The following CRB2 variants were observed in gnomAD, a reference collection of about 807,000 sequenced individuals.
CRB2 encodes the protein crumbs cell polarity complex component 2.
CRB2 carries 85 observed loss-of-function variants against 110.9 expected under a neutral mutation model. That is an observed-to-expected ratio of 0.77 (90% confidence interval 0.64 to 0.92). The LOEUF (loss-of-function observed/expected upper bound fraction) is 0.92. Among genes scored for constraint, CRB2 ranks in the 40% least tolerant of loss-of-function variants. The pLI is 0.00. For synonymous variants in CRB2, 907 were observed against 831.0 expected, an observed-to-expected ratio of 1.09 and a Z score of -1.57; for missense variants, 1,843 against 1,851.3, an observed-to-expected ratio of 1.00 and a Z score of 0.08.
chr9:123,363,103 G>A lies in CRB2; in HGVS notation c.333G>A (p.Glu111=). The part of the protein sequence containing the change: ...QGPRCELDID[E]CASRPCHHGA... ...CACGCTGCGAGCTGGACATCGATGA[G>A]TGTGCATCCCGGCCGTGCCACCATG... The change falls in exon 2 of 13, where the codon GAG becomes GAA. Residue 111 remains glutamate, a synonymous_variant. Transcript: ENST00000373631. 1.2e-6 allele frequency: 2 copies of A among 1,611,500 alleles called. No individual in the cohort carries two copies. Among genetic ancestry groups the A allele is most frequent in the Non-Finnish European group, 1.7e-6 (2 of 1,179,942 alleles).
intron 5 of CRB2, 64 bp downstream of exon 5, chr9:123,367,421 A>ACCCCCCCACC (rs2041950620): frequency 3.3e-6 from 2 of 608,086 alleles, no homozygotes; most frequent in Admixed American, 6.8e-5. Flanking sequence ...TCTTGTGCCC[A>ACCCCCCCACC]CCCCCCCACC....
chr9:123,370,717 C>G lies in CRB2; in HGVS notation c.1664C>G (p.Ser555Cys). The G allele has an allele frequency of 6.2e-6, 10 of 1,604,424 alleles. No homozygotes were observed. The highest frequency in any genetic ancestry group is 7.6e-6 in the Non-Finnish European group (9 of 1,179,984). ...CVASGPVALA[S>C]TASATPLPAG... ...GCCTCTGGTCCTGTGGCCCTGGCTT[C>G]CACGGCTTCGGCAACTCCGCTGCCT... The change falls in exon 7 of 13, where the codon TCC (serine) becomes TGC (cysteine). Residue 555 changes from serine to cysteine, a missense_variant. Coordinates refer to ENST00000373631, the MANE Select transcript of CRB2 (RefSeq NM_173689.7).
At chr9:123,358,853 G>A (rs543755092) in intron 1 of CRB2, among the ~76,000 whole-genome samples, 198 of 150,940 alleles carry the variant, frequency 1.3e-3, no homozygotes, top group African/African-American at 4.5e-3. Context: ...TGCAGTGAGC[G>A]GTTCCCCACC....
intron 2 of CRB2, among the ~76,000 whole-genome samples, chr9:123,365,256 C>T (rs1184970900): frequency 6.6e-6 from 1 of 152,072 alleles, no homozygotes; most frequent in Non-Finnish European, 1.5e-5. Context: ...GAGTGAGACT[C>T]TGTCTCAAAA....
chr9:123,373,334 G>A lies in CRB2; in HGVS notation c.2803G>A (p.Gly935Arg), dbSNP rs2042045704. Residue 935 changes from glycine (G) to arginine (R), a missense_variant, in exon 10 of 13, where the codon GGA becomes AGA. Physicochemically the swap from Gly to Arg is moderately radical, Grantham distance 125. Transcript: ENST00000373631. ...RNGSLAGGVRGGHGLPGAVLP... is the reference protein window; with the variant it reads ...RNGSLAGGVRRGHGLPGAVLP... The stretch of plus-strand genomic sequence containing the variant: ...TGGCTCGCTGGCGGGGGGCGTGCGC[G>A]GAGGCCATGGCCTGCCCGGCGCTGT... The A allele has an allele frequency of 6.9e-7, 1 of 1,443,034 alleles. No homozygotes were observed. Among genetic ancestry groups the A allele is most frequent in the East Asian group, 3.0e-5 (1 of 33,342 alleles). 89.4% of individuals were successfully genotyped at this position (1,443,034 alleles called of 1,614,324 possible). A position where few individuals can be genotyped will look rare whatever the true frequency, so the allele number is the denominator to read the frequency against.
rs550013968 is a variant in CRB2 at position 123,368,942 on chromosome 9, G to T, written c.1055-1166G>T. ...CCTTCCTGGGCCACCTGTGGCTCCT[G>T]GCAGGTATGGAGGAATGTGGGCCCT... On this transcript the variant is annotated intron_variant, in intron 6 of 12. Transcript: ENST00000373631. 746 of 1,245,816 alleles carry T rather than the reference G, an allele frequency of 6.0e-4. 1 individual carries two copies. The highest frequency in any genetic ancestry group is 7.1e-4 in the Non-Finnish European group (688 of 966,588). 77.2% of individuals were successfully genotyped at this position (1,245,816 alleles called of 1,614,324 possible). A position where few individuals can be genotyped will look rare whatever the true frequency, so the allele number is the denominator to read the frequency against.
intron 1 of CRB2, among the ~76,000 whole-genome samples, chr9:123,358,760 G>C (rs1192475421): frequency 6.6e-6 from 1 of 152,206 alleles, no homozygotes; most frequent in African/African-American, 2.4e-5. Context: ...ACTTGCCTAG[G>C]CAAAGTCACG....
Position 123,372,187 on chromosome 9 carries a change from G to T in CRB2, c.2447G>T (p.Cys816Phe). The change falls in exon 9 of 13, where the codon TGT becomes TTT. Residue 816 changes from cysteine to phenylalanine, a missense_variant. By Grantham distance (205) the Cys-to-Phe change is radical (BLOSUM62 -2). Coordinates refer to ENST00000373631, the MANE Select transcript of CRB2 (RefSeq NM_173689.7). ...VSEDMCSPDPCFNGGTCLVTW... is the reference protein window; with the variant it reads ...VSEDMCSPDPFFNGGTCLVTW... ...CTGCCTCTCCCACAGCCTGACCCCT[G>T]TTTCAATGGTGGGACTTGCCTCGTC... 1 of 1,614,070 alleles carries T rather than the reference G, an allele frequency of 6.2e-7. No individual in the cohort carries two copies. The highest frequency in any genetic ancestry group is 8.5e-7 in the Non-Finnish European group (1 of 1,180,000).
chr9:123,372,918 C>A (rs2042037100), intron 9 of CRB2, among the ~76,000 whole-genome samples: 1 of 152,208 alleles, frequency 6.6e-6, no homozygotes, highest in Non-Finnish European at 1.5e-5. Context: ...CACCCCCCAG[C>A]ACTGGCCGGG....
In CRB2 at chr9:123,378,665, C is replaced by T. The variant is rs2042144469; in HGVS notation, c.*1603C>T. 6.6e-6 allele frequency: 1 copy of T among 152,164 alleles called. No homozygotes were observed. Among genetic ancestry groups the T allele is most frequent in the African/African-American group, 2.4e-5 (1 of 41,398 alleles). The allele number at this position is 152,164 out of a possible 1,614,324, so 9.4% of individuals were successfully genotyped here. On this transcript the variant is annotated 3_prime_UTR_variant, in exon 13 of 13. Coordinates refer to ENST00000373631, the MANE Select transcript of CRB2 (RefSeq NM_173689.7). ...GGGAGGAGGCGGCTGGTTCCAGGGT[C>T]AGTTTACTAAGTTAGAGATTTGGAA... is the stretch of plus-strand genomic sequence containing the variant.
Position 123,376,712 on chromosome 9 carries a change from A to C in CRB2, c.3634-126A>C, listed in dbSNP as rs2042108040. The C allele has an allele frequency of 9.8e-6, 9 of 919,106 alleles. No individual in the cohort carries two copies. The South Asian group carries it at 1.2e-4, about 12-fold the overall frequency. 56.9% of individuals were successfully genotyped at this position (919,106 alleles called of 1,614,324 possible). On this transcript the variant is annotated intron_variant, in intron 12 of 12. Transcript: ENST00000373631. ...CTGGGGCTGGGTCTTCACTGCTCCC[A>C]GGGCAGCCTGCTCCCAGCTCTGATT... is the stretch of plus-strand genomic sequence containing the variant.
In CRB2 at chr9:123,365,858, C is replaced by G; in HGVS notation, c.419-59C>G. The G allele has an allele frequency of 2.7e-6, 4 of 1,458,648 alleles. No individual in the cohort carries two copies. The East Asian group carries it at 1.1e-4, about 39-fold the overall frequency. 90.4% of individuals were successfully genotyped at this position (1,458,648 alleles called of 1,614,324 possible). Reference sequence around the variant, plus strand: ...AACTCTGGAGCAGGCCTGGCGCGACCTCTTCCGCCCTGCTCTGGGTGTCCA... The same window carrying G: ...AACTCTGGAGCAGGCCTGGCGCGACGTCTTCCGCCCTGCTCTGGGTGTCCA... On this transcript the variant is annotated intron_variant, in intron 2 of 12. Coordinates refer to ENST00000373631, the MANE Select transcript of CRB2 (RefSeq NM_173689.7).
In CRB2 at chr9:123,377,141, G is replaced by A; in HGVS notation, c.*79G>A. 7.7e-7 allele frequency: 1 copy of A among 1,294,232 alleles called. No individual in the cohort carries two copies. Among genetic ancestry groups the A allele is most frequent in the Non-Finnish European group, 1.0e-6 (1 of 955,694 alleles). 80.2% of individuals were successfully genotyped at this position (1,294,232 alleles called of 1,614,324 possible). A position where few individuals can be genotyped will look rare whatever the true frequency, so the allele number is the denominator to read the frequency against. ...GAGACCCAAGGAAGCTGCTTCCAGGGCTCGGGACATTGCTACGGAAGTGTC... is the reference window on the plus strand; with the variant it reads ...GAGACCCAAGGAAGCTGCTTCCAGGACTCGGGACATTGCTACGGAAGTGTC... On this transcript the variant is annotated 3_prime_UTR_variant, in exon 13 of 13. Coordinates refer to ENST00000373631, the MANE Select transcript of CRB2 (RefSeq NM_173689.7).
At chr9:123,373,986 C>A in intron 10 of CRB2, 66 bp downstream of exon 10, 1 of 1,543,022 alleles carries the variant, frequency 6.5e-7, no homozygotes, top group Non-Finnish European at 8.8e-7. Context: ...GCAGAGAAGT[C>A]TGCCAGGTCT....
chr9:123,375,727 T>C (rs1193410470), intron 12 of CRB2, among the ~76,000 whole-genome samples: 3 of 152,176 alleles, frequency 2.0e-5, no homozygotes, highest in Non-Finnish European at 2.9e-5. Flanking sequence ...TCTGAGCCAG[T>C]GTCCTGAGTA....
chr9:123,373,908 G>GC lies in CRB2; in HGVS notation c.3380dup (p.Arg1128AlafsTer24). 1 of 1,549,182 alleles carries GC rather than the reference G, an allele frequency of 6.5e-7. No individual in the cohort carries two copies. The highest frequency in any genetic ancestry group is 8.7e-7 in the Non-Finnish European group (1 of 1,147,994). On this transcript the variant is annotated frameshift_variant, in exon 10 of 13. Transcript: ENST00000373631. LOFTEE classifies it high-confidence loss of function. Reference sequence around the variant, plus strand: ...TGCCGCTGCCCGCCTGGCTTCGGGGGCCCGCGCTGCAGGTGGGATGGCTGG... The same window carrying GC: ...TGCCGCTGCCCGCCTGGCTTCGGGGGCCCCGCGCTGCAGGTGGGATGGCTGG...
At position 123,377,336 on chromosome 9, in the gene CRB2, CAG is replaced by C. The variant is rs1564381157; in HGVS notation, c.*275_*276del. 2.1e-6 allele frequency: 1 copy of C among 466,320 alleles called. No homozygotes were observed. Among genetic ancestry groups the C allele is most frequent in the Non-Finnish European group, 3.9e-6 (1 of 259,576 alleles). The allele number at this position is 466,320 out of a possible 1,614,324, so 28.9% of individuals were successfully genotyped here. On this transcript the variant is annotated 3_prime_UTR_variant, in exon 13 of 13. Coordinates refer to ENST00000373631, the MANE Select transcript of CRB2 (RefSeq NM_173689.7). ...GCGTGGGAGGGCACACGTGGGTTCA[CAG>C]TGTGTTCAGGAGTGTGTGTATCTGG...
At chr9:123,376,568 T>C (rs1304623764) in intron 12 of CRB2, among the ~76,000 whole-genome samples, 2 of 152,090 alleles carry the variant, frequency 1.3e-5, no homozygotes, top group Non-Finnish European at 2.9e-5. Context: ...CCTGCTTAGC[T>C]CCTGCCGGGT....
chr9:123,359,786 A>G (rs780419144), intron 1 of CRB2, among the ~76,000 whole-genome samples: 1 of 152,104 alleles, frequency 6.6e-6, no homozygotes, highest in Non-Finnish European at 1.5e-5. Flanking sequence ...TGGCTGTTAT[A>G]AACAGGCCCA....
Sources: allele counts gnomAD v4.1 joint callset (sites outside exome capture counted in the v4.1 genomes callset), GRCh38; gene constraint gnomAD v4.1.1; transcripts MANE v1.5; gene names NCBI Gene and HGNC (gene_info 2026-07-23, HGNC 2026-07-21).